The following CADM2 variants were observed in gnomAD, a reference collection of about 807,000 sequenced individuals.
CADM2 encodes the protein immunoglobulin superfamily member 4D.
In CADM2, 12 loss-of-function variants were observed where a neutral mutation model predicts 49.8. That is an observed-to-expected ratio of 0.24 (90% CI 0.15 to 0.39). CADM2 has a LOEUF of 0.39. Ranked by LOEUF, CADM2 falls within the 10% of genes least tolerant of loss-of-function variation. The pLI is 1.00. For synonymous variants in CADM2, 214 were observed against 175.4 expected (o/e 1.22, Z -1.74); for missense variants, 378 against 492.3 (o/e 0.77, Z 2.20).
intron 1 of CADM2, among the ~76,000 whole-genome samples, chr3:85,400,600 G>C (rs1213825239): frequency 6.6e-6 from 1 of 152,084 alleles, no homozygotes; most frequent in East Asian, 1.9e-4. Context: ...TGGTTGGTAG[G>C]CTATTAATTA....
intron 3 of CADM2, among the ~76,000 whole-genome samples, chr3:85,852,289 C>G (rs1053519083): frequency 2.6e-5 from 4 of 152,042 alleles, no homozygotes; most frequent in African/African-American, 9.7e-5. Flanking sequence ...ATGTTTGTTC[C>G]ATGAATGCAT....
chr3:85,948,223 A>G (rs1414218264), intron 7 of CADM2, among the ~76,000 whole-genome samples: 4 of 151,594 alleles, frequency 2.6e-5, no homozygotes. Context: ...AAAATGAATA[A>G]TCACTCAACA....
intron 1 of CADM2, among the ~76,000 whole-genome samples, chr3:84,983,108 T>C (rs2032310624): frequency 6.6e-6 from 1 of 152,164 alleles, no homozygotes; most frequent in Non-Finnish European, 1.5e-5. Flanking sequence ...GAACCCCATT[T>C]AAAATGGTGT....
chr3:85,564,627 G>C (rs1376126248), intron 1 of CADM2, among the ~76,000 whole-genome samples: 1 of 151,974 alleles, frequency 6.6e-6, no homozygotes, highest in Non-Finnish European at 1.5e-5. Flanking sequence ...GTGTATTCTA[G>C]TGTGGAATTA....
intron 8 of CADM2, among the ~76,000 whole-genome samples, chr3:86,057,268 C>T (rs1224607030): frequency 6.6e-6 from 1 of 152,052 alleles, no homozygotes; most frequent in African/African-American, 2.4e-5. Context: ...TACCATAGTG[C>T]CCCTCTTTCT....
intron 1 of CADM2, among the ~76,000 whole-genome samples, chr3:85,527,090 T>C (rs2061175617): frequency 6.6e-6 from 1 of 152,116 alleles, no homozygotes. Context: ...TAATTATATC[T>C]ACAGTTCTAT....
chr3:84,960,029 C>A, intron 1 of CADM2: 1 of 372,864 alleles, frequency 2.7e-6, no homozygotes, highest in East Asian at 5.0e-5. Flanking sequence ...CCACCAGCCA[C>A]CTCCCACATC....
chr3:85,347,350 A>G (rs983611713), intron 1 of CADM2, among the ~76,000 whole-genome samples: 2 of 150,370 alleles, frequency 1.3e-5, no homozygotes, highest in Non-Finnish European at 3.0e-5. Flanking sequence ...AGCAAAATCA[A>G]ATAAAAAAGT....
At chr3:85,952,098 G>GTA (rs1266552317) in intron 7 of CADM2, among the ~76,000 whole-genome samples, 1 of 150,798 alleles carries the variant, frequency 6.6e-6, no homozygotes, top group African/African-American at 2.4e-5. Context: ...TTTTATGGAA[G>GTA]TAACAATGAT....
At chr3:84,975,062 G>T (rs1415714309) in intron 1 of CADM2, among the ~76,000 whole-genome samples, 1 of 151,764 alleles carries the variant, frequency 6.6e-6, no homozygotes, top group Admixed American at 6.6e-5. Flanking sequence ...GCTTTCTCTT[G>T]AAAGGAAATT....
At chr3:85,204,200 A>T (rs547202804) in intron 1 of CADM2, among the ~76,000 whole-genome samples, 28 of 152,296 alleles carry the variant, frequency 1.8e-4, no homozygotes, top group African/African-American at 6.0e-4. Flanking sequence ...ATTTTTTGAC[A>T]TTCACTGTAA....
chr3:85,572,996 C>T (rs2062522693), intron 1 of CADM2, among the ~76,000 whole-genome samples: 2 of 151,102 alleles, frequency 1.3e-5, no homozygotes, highest in Admixed American at 1.3e-4. Context: ...TACATATTAT[C>T]CTAATCGTGT....
intron 5 of CADM2, among the ~76,000 whole-genome samples, chr3:85,902,759 ATTAAC>A (rs1716291534): frequency 1.3e-5 from 2 of 151,582 alleles, no homozygotes; most frequent in African/African-American, 4.8e-5. Flanking sequence ...TATCATATAT[ATTAAC>A]TTATCAGAAT....
rs1237482452 is a variant in CADM2, at chr3:85,935,771, A to G, written c.705A>G (p.Thr235=). 5.1e-6 allele frequency: 8 copies of G among 1,565,542 alleles called. No individual in the cohort carries two copies. The highest frequency in any genetic ancestry group is 7.0e-6 in the Non-Finnish European group (8 of 1,144,010). Residue 235 remains threonine (T), a synonymous_variant, in exon 7 of 10, where the codon ACA becomes ACG. Transcript: ENST00000383699. The part of the protein sequence containing the change: ...VAMQVLEIHY[T]PSVKIIPSTP... ...TTAATATTCTTTTATTTCTAGATACACCATCAGTTAAGATTATACCATCGA... is the reference window on the plus strand; with the variant it reads ...TTAATATTCTTTTATTTCTAGATACGCCATCAGTTAAGATTATACCATCGA...
intron 7 of CADM2, among the ~76,000 whole-genome samples, chr3:85,959,027 AATCTAT>A (rs1336663205): frequency 2.2e-5 from 3 of 138,848 alleles, no homozygotes; most frequent in East Asian, 2.1e-4. Flanking sequence ...AAATTAAAAA[AATCTAT>A]ATCTATATCT....
At chr3:84,992,981 C>T (rs1230179623) in intron 1 of CADM2, among the ~76,000 whole-genome samples, 1 of 151,880 alleles carries the variant, frequency 6.6e-6, no homozygotes, top group Non-Finnish European at 1.5e-5. Context: ...GGTTGTCAAC[C>T]CAGGATGTAT....
intron 1 of CADM2, among the ~76,000 whole-genome samples, chr3:85,684,144 C>T (rs555751144): frequency 6.6e-6 from 1 of 152,186 alleles, no homozygotes; most frequent in Non-Finnish European, 1.5e-5. Flanking sequence ...TGTTATAAAT[C>T]TTTCTAATAA....
intron 8 of CADM2, among the ~76,000 whole-genome samples, chr3:86,040,332 TG>T (rs1257421563): frequency 6.6e-6 from 1 of 151,786 alleles, no homozygotes; most frequent in African/African-American, 2.4e-5. Flanking sequence ...TTAAAAACCT[TG>T]AAAAAAAATT....
At chr3:85,568,912 T>C (rs982732072) in intron 1 of CADM2, among the ~76,000 whole-genome samples, 1 of 152,156 alleles carries the variant, frequency 6.6e-6, no homozygotes, top group African/African-American at 2.4e-5. Flanking sequence ...TTTTAAAGTT[T>C]GCACTCCTCT....
Sources: gnomAD v4.1 joint callset for allele counts (sites outside exome capture counted in the v4.1 genomes callset) on GRCh38, gnomAD v4.1.1 for gene constraint, MANE v1.5 for transcripts, NCBI Gene and HGNC (gene_info 2026-07-23, HGNC 2026-07-21) for gene names.